The following OTUD7A variants were observed in gnomAD, a reference collection of about 807,000 sequenced individuals.
OTUD7A encodes OTU deubiquitinase 7A.
OTUD7A carries 12 observed loss-of-function variants against 65.7 expected under a neutral mutation model. The observed-to-expected ratio is 0.18, with a 90% CI of 0.12 to 0.30. The LOEUF (loss-of-function observed/expected upper bound fraction) is 0.30. OTUD7A is among the 10% of genes least tolerant of loss of function. The pLI is 1.00. For missense variants in OTUD7A, 1,148 were observed against 1,304.8 expected (o/e 0.88, Z 1.85); for synonymous variants, 641 against 586.3 (o/e 1.09, Z -1.35).
intron 5 of OTUD7A, among the ~76,000 whole-genome samples, chr15:31,538,279 A>T (rs35633394): frequency 9.2e-5 from 14 of 152,150 alleles, no homozygotes; most frequent in East Asian, 7.7e-4. Flanking sequence ...GCAGGGTGCT[A>T]TGTGTGCCTG....
At chr15:31,551,693 T>G (rs139543464) in intron 5 of OTUD7A, among the ~76,000 whole-genome samples, 42 of 152,210 alleles carry the variant, frequency 2.8e-4, no homozygotes, top group Non-Finnish European at 5.4e-4. Flanking sequence ...ATCAGAAAGA[T>G]GAGGGGATTC....
chr15:31,774,873 G>A (rs918719386), intron 1 of OTUD7A, among the ~76,000 whole-genome samples: 7 of 150,756 alleles, frequency 4.6e-5, no homozygotes, highest in African/African-American at 9.8e-5. Context: ...CCACCCAAGT[G>A]GATTGTGACG....
chr15:31,712,584 C>T (rs1410732948), intron 1 of OTUD7A, among the ~76,000 whole-genome samples: 1 of 96,080 alleles, frequency 1.0e-5, no homozygotes, highest in East Asian at 2.8e-4. Flanking sequence ...CAGGGCCCAA[C>T]ACCACCCCTG....
chr15:31,830,835 G>A (rs1355789028), intron 1 of OTUD7A, among the ~76,000 whole-genome samples: 1 of 152,206 alleles, frequency 6.6e-6, no homozygotes, highest in Non-Finnish European at 1.5e-5. Context: ...TATGCACAAG[G>A]AAAGTGAGTG....
At chr15:31,532,644 G>C (rs1267303053) in intron 5 of OTUD7A, among the ~76,000 whole-genome samples, 1 of 152,056 alleles carries the variant, frequency 6.6e-6, no homozygotes, top group Non-Finnish European at 1.5e-5. Flanking sequence ...AGTATTCGAA[G>C]AGGCCAGGCG....
chr15:31,512,151 C>T (rs74010681), intron 8 of OTUD7A, among the ~76,000 whole-genome samples: 2,650 of 152,178 alleles, frequency 0.017, 89 homozygotes, highest in African/African-American at 0.061. Context: ...AATACTTTAC[C>T]GGTGTTTTTT....
intron 1 of OTUD7A, among the ~76,000 whole-genome samples, chr15:31,774,080 C>T (rs1484613432): frequency 6.6e-6 from 1 of 152,230 alleles, no homozygotes; most frequent in African/African-American, 2.4e-5. Flanking sequence ...CAGCCATGCA[C>T]TATGAGAGAA....
At chr15:31,620,293 G>C (rs1470225771) in intron 3 of OTUD7A, among the ~76,000 whole-genome samples, 2 of 152,252 alleles carry the variant, frequency 1.3e-5, no homozygotes, top group South Asian at 4.1e-4. Context: ...AAATGAGTTA[G>C]GAAGGATTCC....
At chr15:31,834,880 T>C (rs1897017726) in intron 1 of OTUD7A, among the ~76,000 whole-genome samples, 1 of 152,214 alleles carries the variant, frequency 6.6e-6, no homozygotes, top group Non-Finnish European at 1.5e-5. Flanking sequence ...TAAGAATCTT[T>C]CTGAATAATT....
At chr15:31,757,358 T>C (rs888730396) in intron 1 of OTUD7A, among the ~76,000 whole-genome samples, 3 of 149,210 alleles carry the variant, frequency 2.0e-5, no homozygotes, top group African/African-American at 7.3e-5. Flanking sequence ...ATATATTATA[T>C]ATATATATAC....
chr15:31,635,244 T>C (rs1891303646), intron 3 of OTUD7A, among the ~76,000 whole-genome samples: 1 of 152,172 alleles, frequency 6.6e-6, no homozygotes, highest in African/African-American at 2.4e-5. Context: ...TAGCCCCCAT[T>C]TCCTCTTAGG....
chr15:31,677,939 G>T lies in OTUD7A; in HGVS notation c.-99-20862C>A, dbSNP rs191222697. On this transcript the variant is annotated intron_variant, in intron 1 of 12. Transcript: ENST00000307050. ...GGAAACTTTGGAACTTCCTAGACTT[G>T]CTGAGTGGCTTTGATCAAAATGCTG... is the stretch of plus-strand genomic sequence containing the variant. 4.1e-3 allele frequency among the ~76,000 whole-genome samples: 628 copies of T among 152,332 alleles called. 4 individuals carry two copies. The highest frequency in any genetic ancestry group is 7.5e-3 in the Non-Finnish European group (508 of 68,028).
chr15:31,796,142 C>CGTGTGTGT (rs145581747), intron 1 of OTUD7A, among the ~76,000 whole-genome samples: 8,770 of 148,050 alleles, frequency 0.059, 298 homozygotes, highest in South Asian at 0.068. Flanking sequence ...GTAAGGGGTG[C>CGTGTGTGT]GTGTGTGTGT....
Position 31,651,064 on chromosome 15 carries a change from G to GA in OTUD7A, c.151+4031dup, listed in dbSNP as rs1891820418. Among the ~76,000 whole-genome samples, 2 of 128,078 alleles carry GA rather than the reference G, an allele frequency of 1.6e-5. 1 individual carries two copies. Among genetic ancestry groups the GA allele is most frequent in the Admixed American group, 1.6e-4 (2 of 12,650 alleles). The allele number at this position is 128,078 out of a possible 152,430, so 84.0% of individuals were successfully genotyped here. On this transcript the variant is annotated intron_variant, in intron 3 of 12. Coordinates refer to ENST00000307050, the MANE Select transcript of OTUD7A (RefSeq NM_001382637.1). ...ATAACAGACAAAGCTTGAAAACCTT[G>GA]AACAGAACCATAGAGACCTTAGGTA...
Position 31,559,132 on chromosome 15 carries a change from G to A in OTUD7A, c.387C>T (p.Ala129=). The change falls in exon 5 of 13, where the codon GCC becomes GCT. Residue 129 remains alanine, a synonymous_variant. Coordinates refer to ENST00000307050, the MANE Select transcript of OTUD7A (RefSeq NM_001382637.1). ...TGCATTCACTTGCCACGTGGGACCG[G>A]GCCAGGGAGACGATGGCTGAGCTGG... ...SHASSAIVSL[A]RSHVASECNN... is the part of the protein sequence containing the mutation. 1 of 1,614,182 alleles carries A rather than the reference G, an allele frequency of 6.2e-7. No homozygotes were observed. The highest frequency in any genetic ancestry group is 2.2e-5 in the East Asian group (1 of 44,892).
At chr15:31,857,668 CAT>C in intron 1 of OTUD7A, among the ~76,000 whole-genome samples, 1 of 152,324 alleles carries the variant, frequency 6.6e-6, no homozygotes, top group East Asian at 1.9e-4. Flanking sequence ...GCGGGGATGA[CAT>C]GTGACTCCAG....
intron 1 of OTUD7A, among the ~76,000 whole-genome samples, chr15:31,776,022 C>T (rs1199644175): frequency 1.3e-5 from 2 of 152,210 alleles, no homozygotes; most frequent in African/African-American, 2.4e-5. Context: ...GAAAGACACA[C>T]AGGGAAGAGT....
chr15:31,587,365 C>T (rs1311983122), intron 3 of OTUD7A, among the ~76,000 whole-genome samples: 2 of 152,004 alleles, frequency 1.3e-5, no homozygotes, highest in East Asian at 1.9e-4. Flanking sequence ...TGGCCGGGCG[C>T]GGTGGCTCAC....
chr15:31,794,775 CAA>C (rs1238736423), intron 1 of OTUD7A, among the ~76,000 whole-genome samples: 1 of 152,150 alleles, frequency 6.6e-6, no homozygotes, highest in African/African-American at 2.4e-5. Flanking sequence ...CTCCAGTGAG[CAA>C]TTCATAAGAA....
Sources: gnomAD v4.1 joint callset for allele counts (sites outside exome capture counted in the v4.1 genomes callset) on GRCh38, gnomAD v4.1.1 for gene constraint, MANE v1.5 for transcripts, NCBI Gene and HGNC (gene_info 2026-07-23, HGNC 2026-07-21) for gene names.